The following ZMAT4 variants were observed in gnomAD, a reference collection of about 807,000 sequenced individuals.
ZMAT4 encodes zinc finger matrin-type 4, also known as zinc finger matrin-type protein 4.
A neutral mutation model predicts 28.7 loss-of-function variants in ZMAT4; 17 were observed. That is an observed-to-expected ratio of 0.59 (90% CI 0.41 to 0.89). The LOEUF (loss-of-function observed/expected upper bound fraction) is 0.89, where lower values mean the gene tolerates loss of function less well. Among genes scored for constraint, ZMAT4 ranks in the 40% least tolerant of loss-of-function variants. ZMAT4 has a pLI of 0.00. For missense variants in ZMAT4, 240 were observed against 283.8 expected (o/e 0.85, Z 1.11); for synonymous variants, 117 against 109.2 (o/e 1.07, Z -0.44).
At chr8:40,601,598 GA>G (rs1306298904) in intron 5 of ZMAT4, among the ~76,000 whole-genome samples, 77 of 11,838 alleles carry the variant, frequency 6.5e-3, no homozygotes, top group Non-Finnish European at 0.017. Context: ...AAGAAAGAAA[GA>G]AAGAAAGAAA....
chr8:40,615,516 A>C (rs1805968971), intron 5 of ZMAT4, among the ~76,000 whole-genome samples: 1 of 152,190 alleles, frequency 6.6e-6, no homozygotes, highest in South Asian at 2.1e-4. Context: ...TATCCTGCAG[A>C]GTGTTTTCCA....
rs1036578076 is a variant in ZMAT4 at position 40,609,710 on chromosome 8, C to T, written c.578-28449G>A. On this transcript the variant is annotated intron_variant, in intron 5 of 6. Transcript: ENST00000297737. ...TCAATTTTCTTCTTACCTATTCTCACTTTCTTGATTTCTTGATGGAAAACT... is the reference window on the plus strand; with the variant it reads ...TCAATTTTCTTCTTACCTATTCTCATTTTCTTGATTTCTTGATGGAAAACT... Among the ~76,000 whole-genome samples the T allele has an allele frequency of 2.6e-5, 4 of 152,082 alleles. No homozygotes were observed. In the South Asian group the frequency reaches 6.2e-4, roughly 24 times the overall value.
At chr8:40,580,120 C>T (rs1455450999) in intron 6 of ZMAT4, among the ~76,000 whole-genome samples, 3 of 146,660 alleles carry the variant, frequency 2.0e-5, no homozygotes, top group Non-Finnish European at 3.0e-5. Flanking sequence ...TCAAGAGATT[C>T]TCCTGCCTCA....
At position 40,552,183 on chromosome 8, in the gene ZMAT4, C is replaced by G. The variant is rs182948515; in HGVS notation, c.675-19945G>C. On this transcript the variant is annotated intron_variant, in intron 6 of 6. Transcript: ENST00000297737. ...TTGCTGGATCCATTTACTCTTTGGG[C>G]ACTATTCCCAACTCCAGTTCTGAGT... 1.9e-3 allele frequency among the ~76,000 whole-genome samples: 284 copies of G among 152,280 alleles called. 3 individuals carry two copies. The highest frequency in any genetic ancestry group is 6.4e-3 in the African/African-American group (266 of 41,582).
chr8:40,807,710 C>G (rs2150593059), intron 2 of ZMAT4, among the ~76,000 whole-genome samples: 1 of 152,214 alleles, frequency 6.6e-6, no homozygotes, highest in Admixed American at 6.5e-5. Flanking sequence ...ACTGAGAAAA[C>G]ATTTCATGAA....
At chr8:40,664,601 G>A (rs1338349604) in intron 5 of ZMAT4, among the ~76,000 whole-genome samples, 1 of 152,152 alleles carries the variant, frequency 6.6e-6, no homozygotes, top group Non-Finnish European at 1.5e-5. Flanking sequence ...GCTTTCAGAT[G>A]ACAGCAGCCC....
chr8:40,767,764 A>G lies in ZMAT4; in HGVS notation c.103-34T>C, dbSNP rs184002037. 6 of 1,574,712 alleles carry G rather than the reference A, an allele frequency of 3.8e-6. No individual in the cohort carries two copies. In the African/African-American group the frequency reaches 6.8e-5, roughly 18 times the overall value. The stretch of plus-strand genomic sequence containing the variant: ...GAAAAGCATAAGCAGATACTGTAAA[A>G]GATAAGCCATTTCAAACCCTTTGAA... On this transcript the variant is annotated intron_variant, in intron 2 of 6. Transcript: ENST00000297737.
chr8:40,715,047 C>CTAAAAAAAAAAA (rs1810788396), intron 3 of ZMAT4, among the ~76,000 whole-genome samples: 1 of 73,362 alleles, frequency 1.4e-5, no homozygotes, highest in Non-Finnish European at 2.4e-5. Context: ...GACTCTGTCT[C>CTAAAAAAAAAAA]AAAAAAAAAA....
rs147719253 is a variant in ZMAT4 at position 40,865,737 on chromosome 8, C to T, written c.-5+31946G>A. On this transcript the variant is annotated intron_variant, in intron 1 of 6. Coordinates refer to ENST00000297737, the MANE Select transcript of ZMAT4 (RefSeq NM_024645.3). Reference sequence around the variant, plus strand: ...AGCCTCAGTTTCTAAAGCTGGGACTCGAACCCGGACTTTTAGACTCCGTCT... The same window carrying T: ...AGCCTCAGTTTCTAAAGCTGGGACTTGAACCCGGACTTTTAGACTCCGTCT... Among the ~76,000 whole-genome samples the T allele has an allele frequency of 1.3e-4, 20 of 152,322 alleles. No homozygotes were observed. The East Asian group carries it at 3.3e-3, about 25-fold the overall frequency.
At chr8:40,839,930 A>G (rs1251661658) in intron 1 of ZMAT4, among the ~76,000 whole-genome samples, 1 of 152,232 alleles carries the variant, frequency 6.6e-6, no homozygotes, top group Non-Finnish European at 1.5e-5. Context: ...ATACATTTGT[A>G]TGAATTTTAA....
intron 1 of ZMAT4, among the ~76,000 whole-genome samples, chr8:40,832,601 G>C (rs1816327353): frequency 6.6e-6 from 1 of 152,130 alleles, no homozygotes; most frequent in Non-Finnish European, 1.5e-5. Flanking sequence ...GTGCTGACCA[G>C]CTCACCAGCT....
intron 1 of ZMAT4, among the ~76,000 whole-genome samples, chr8:40,842,657 A>G (rs1816743451): frequency 6.6e-6 from 1 of 152,204 alleles, no homozygotes; most frequent in Non-Finnish European, 1.5e-5. Context: ...ACAACTAGGC[A>G]CTTCTCATCA....
intron 3 of ZMAT4, among the ~76,000 whole-genome samples, chr8:40,749,859 C>G (rs1812386031): frequency 1.3e-5 from 2 of 152,198 alleles, no homozygotes; most frequent in South Asian, 4.1e-4. Context: ...CTGCCCCTTC[C>G]TTAGATCATT....
At position 40,581,280 on chromosome 8, in the gene ZMAT4, C is replaced by G; in HGVS notation, c.578-19G>C. The G allele has an allele frequency of 6.2e-7, 1 of 1,606,650 alleles. No individual in the cohort carries two copies. The highest frequency in any genetic ancestry group is 2.2e-5 in the East Asian group (1 of 44,740). ...CTCAGACCTGTGGACAACAGACAGACCTGGTTAGCTGCATCCAGTCGTCAA... is the reference window on the plus strand; with the variant it reads ...CTCAGACCTGTGGACAACAGACAGAGCTGGTTAGCTGCATCCAGTCGTCAA... On this transcript the variant is annotated intron_variant, in intron 5 of 6. Coordinates refer to ENST00000297737, the MANE Select transcript of ZMAT4 (RefSeq NM_024645.3).
At chr8:40,599,722 G>T (rs1397236211) in intron 5 of ZMAT4, among the ~76,000 whole-genome samples, 1 of 152,222 alleles carries the variant, frequency 6.6e-6, no homozygotes, top group Non-Finnish European at 1.5e-5. Context: ...AAGGCAGGTG[G>T]GAGAGTGGGC....
At chr8:40,534,315 T>C (rs1188798104) in intron 6 of ZMAT4, among the ~76,000 whole-genome samples, 1 of 152,192 alleles carries the variant, frequency 6.6e-6, no homozygotes, top group East Asian at 1.9e-4. Context: ...AGCATCCCAT[T>C]TGATACAAAA....
chr8:40,754,591 A>C (rs1224784877), intron 3 of ZMAT4, among the ~76,000 whole-genome samples: 1 of 152,168 alleles, frequency 6.6e-6, no homozygotes, highest in Non-Finnish European at 1.5e-5. Flanking sequence ...TATAACAAAA[A>C]ATTTTTATTC....
chr8:40,730,837 G>A (rs890958542), intron 3 of ZMAT4, among the ~76,000 whole-genome samples: 12 of 152,200 alleles, frequency 7.9e-5, no homozygotes, highest in African/African-American at 2.9e-4. Flanking sequence ...TCTATCTAAT[G>A]TAACTGTTTT....
intron 3 of ZMAT4, among the ~76,000 whole-genome samples, chr8:40,742,087 A>AAAGAAAAC (rs1554549265): frequency 6.7e-6 from 1 of 148,608 alleles, no homozygotes; most frequent in African/African-American, 2.5e-5. Context: ...AAAAATACAA[A>AAAGAAAAC]AAAAAACAAA....
Sources: allele counts gnomAD v4.1 joint callset (sites outside exome capture counted in the v4.1 genomes callset), GRCh38; gene constraint gnomAD v4.1.1; transcripts MANE v1.5; gene names NCBI Gene and HGNC (gene_info 2026-07-23, HGNC 2026-07-21).